Variants in CBR4 observed in about 807,000 individuals in gnomAD.
The protein encoded by CBR4 is 3-oxoacyl-[acyl-carrier-protein] reductase.
CBR4 carries 22 observed loss-of-function variants against 21.0 expected under a neutral mutation model. The ratio of observed to expected loss-of-function variants is 1.05; its 90% CI spans 0.75 to 1.50. The LOEUF is 1.50. Ranked by LOEUF, CBR4 falls within the 40% of genes most tolerant of loss-of-function variation. The pLI is 0.00. For missense variants in CBR4, 302 were observed against 286.3 expected (o/e 1.05, Z -0.40); for synonymous variants, 100 against 104.4 (o/e 0.96, Z 0.26).
At chr4:168,994,179 T>C (rs779198110) in intron 4 of CBR4, among the ~76,000 whole-genome samples, 1 of 152,204 alleles carries the variant, frequency 6.6e-6, no homozygotes, top group African/African-American at 2.4e-5. Context: ...TAACTAAAAG[T>C]ATTCCTTACG....
intron 2 of CBR4, among the ~76,000 whole-genome samples, chr4:168,961,057 A>G (rs901972685): frequency 1.3e-5 from 2 of 152,194 alleles, no homozygotes; most frequent in African/African-American, 4.8e-5. Flanking sequence ...GTATTACAAG[A>G]CGGTGGTTAT....
At chr4:168,924,253 A>G in intron 2 of CBR4, 2 of 1,613,280 alleles carry the variant, frequency 1.2e-6, no homozygotes, top group Non-Finnish European at 1.7e-6. Context: ...ATGTTTTCTT[A>G]GCTAAAGAAG....
intron 4 of CBR4, among the ~76,000 whole-genome samples, chr4:168,999,173 G>A (rs935535732): frequency 3.9e-5 from 6 of 151,920 alleles, no homozygotes; most frequent in Admixed American, 6.6e-5. Context: ...GCAATGAATC[G>A]CAGCCTAATT....
chr4:168,999,087 A>C (rs1242398247), intron 4 of CBR4, among the ~76,000 whole-genome samples: 1 of 152,138 alleles, frequency 6.6e-6, no homozygotes. Flanking sequence ...ATGATTTCCC[A>C]TGAACAGTTT....
At chr4:168,914,003 G>T in intron 2 of CBR4, 5 of 1,605,566 alleles carry the variant, frequency 3.1e-6, no homozygotes, top group African/African-American at 1.3e-5. Context: ...TCTCCCTCAG[G>T]CCATCCTCAT....
In CBR4 at chr4:168,939,215, G is replaced by A. The variant is rs566040936; in HGVS notation, n.170-44450C>T. ...CAAAAACCACATGATTATCTCAACA[G>A]ATGCAGAAAAGGCCTCTGACAAAAT... is the stretch of plus-strand genomic sequence containing the variant. On this transcript the variant is annotated intron_variant and non_coding_transcript_variant, in intron 2 of 3. Coordinates refer to the CBR4 transcript ENST00000509108. 2.4e-3 allele frequency among the ~76,000 whole-genome samples: 367 copies of A among 152,276 alleles called. 1 individual carries two copies. Among genetic ancestry groups the A allele is most frequent in the African/African-American group, 8.6e-3 (359 of 41,538 alleles).
At chr4:168,993,625 T>C (rs1484071198) in intron 4 of CBR4, among the ~76,000 whole-genome samples, 1 of 152,226 alleles carries the variant, frequency 6.6e-6, no homozygotes, top group Non-Finnish European at 1.5e-5. Context: ...AAAGTTCATG[T>C]TATCTTCTCA....
intron 2 of CBR4, among the ~76,000 whole-genome samples, chr4:168,966,506 G>A (rs897204069): frequency 1.1e-4 from 17 of 151,256 alleles, no homozygotes; most frequent in Non-Finnish European, 5.9e-5. Context: ...CAGCCTGGAC[G>A]ACAGAGCGAG....
chr4:168,971,987 GT>G (rs1431250822), intron 2 of CBR4, among the ~76,000 whole-genome samples: 1 of 152,160 alleles, frequency 6.6e-6, no homozygotes, highest in Non-Finnish European at 1.5e-5. Flanking sequence ...TGAGAACCCA[GT>G]TTCATTCTTC....
At chr4:168,969,297 G>C (rs1764134872) in intron 2 of CBR4, among the ~76,000 whole-genome samples, 1 of 152,170 alleles carries the variant, frequency 6.6e-6, no homozygotes, top group Admixed American at 6.5e-5. Context: ...ACTGGTCCAA[G>C]TCTGGGAACT....
At position 168,925,055 on chromosome 4, in the gene CBR4, G is replaced by C. The variant is rs754236496; in HGVS notation, n.170-30290C>G. 1.2e-6 allele frequency: 2 copies of C among 1,614,054 alleles called. No individual in the cohort carries two copies. The highest frequency in any genetic ancestry group is 1.7e-6 in the Non-Finnish European group (2 of 1,179,974). On this transcript the variant is annotated intron_variant and non_coding_transcript_variant, in intron 2 of 3. Coordinates refer to the CBR4 transcript ENST00000509108. ...AAGAATGAAGCAGGGATTGTGTCCT[G>C]TACTGCCAGGCTGGACGTTTACAGT...
intron 2 of CBR4, among the ~76,000 whole-genome samples, chr4:168,909,154 C>G (rs552848066): frequency 6.6e-6 from 1 of 152,274 alleles, no homozygotes; most frequent in Admixed American, 6.5e-5. Context: ...GACTCTAATC[C>G]TATCTTTAAG....
At position 168,989,207 on chromosome 4, in the gene CBR4, CTT is replaced by C. The variant is rs1764800231; in HGVS notation, c.*941_*942del. The C allele has an allele frequency of 4.1e-6, 4 of 971,014 alleles. No homozygotes were observed. The highest frequency in any genetic ancestry group is 4.9e-6 in the Non-Finnish European group (4 of 816,852). The allele number at this position is 971,014 out of a possible 1,614,324, so 60.1% of individuals were successfully genotyped here. ...ATCATAATCACTAATGCAAAATACT[CTT>C]AATTTTTTAAATGTTGTATTTCTCG... On this transcript the variant is annotated 3_prime_UTR_variant, in exon 5 of 5. Coordinates refer to ENST00000306193, the MANE Select transcript of CBR4 (RefSeq NM_032783.5).
rs936301140 is a variant in CBR4 at position 169,000,755 on chromosome 4, T to C, written c.535+1316A>G. Among the ~76,000 whole-genome samples the C allele has an allele frequency of 9.2e-5, 14 of 152,320 alleles. 1 individual carries two copies. In the South Asian group the frequency reaches 1.2e-3, roughly 14 times the overall value. On this transcript the variant is annotated intron_variant, in intron 4 of 4. Transcript: ENST00000306193. ...TAATCAAAATTTCTAGCACACCAGC[T>C]AATTAGTGATCATATATTTTTGAGT... is the stretch of plus-strand genomic sequence containing the variant.
chr4:168,925,274 C>A (rs189038181), intron 2 of CBR4: 30 of 1,602,070 alleles, frequency 1.9e-5, no homozygotes, highest in Non-Finnish European at 2.5e-5. Flanking sequence ...AGAACAAATA[C>A]CCAAGTATCA....
At chr4:168,915,871 A>G (rs745753485) in intron 2 of CBR4, 15 of 1,597,514 alleles carry the variant, frequency 9.4e-6, no homozygotes, top group Admixed American at 1.7e-5. Flanking sequence ...ATTTCTATCT[A>G]TCTGTCATCT....
intron 2 of CBR4, chr4:168,898,444 C>T: frequency 2.5e-6 from 3 of 1,218,310 alleles, no homozygotes; most frequent in Non-Finnish European, 3.7e-6. Flanking sequence ...AGACGTGACA[C>T]TTTGTCAGAA....
chr4:168,967,926 C>A (rs1257676546), intron 2 of CBR4, among the ~76,000 whole-genome samples: 1 of 152,150 alleles, frequency 6.6e-6, no homozygotes, highest in East Asian at 1.9e-4. Flanking sequence ...ATAGGATACT[C>A]CATGCCTCAA....
At chr4:168,936,775 G>A (rs1763124420) in intron 2 of CBR4, among the ~76,000 whole-genome samples, 2 of 152,132 alleles carry the variant, frequency 1.3e-5, no homozygotes, top group Non-Finnish European at 2.9e-5. Context: ...CCAAGAATTA[G>A]GGAACTAATG....
Sources: gnomAD v4.1 joint callset for allele counts (sites outside exome capture counted in the v4.1 genomes callset) on GRCh38, gnomAD v4.1.1 for gene constraint, MANE v1.5 for transcripts, NCBI Gene and HGNC (gene_info 2026-07-23, HGNC 2026-07-21) for gene names.